VRK2: variants seen among roughly 807,000 people sequenced by gnomAD.
VRK2 encodes VRK serine/threonine kinase 2, also known as serine/threonine-protein kinase VRK2.
VRK2 carries 60 observed loss-of-function variants against 57.6 expected under a neutral mutation model. The observed-to-expected ratio is 1.04, with a 90% CI of 0.85 to 1.29. VRK2 has a LOEUF of 1.29. Among genes scored for constraint, VRK2 ranks in the 50% most tolerant of loss-of-function variants. The pLI is 0.00. For synonymous variants in VRK2, 231 were observed against 199.2 expected (o/e 1.16, Z -1.35); for missense variants, 705 against 588.1 (o/e 1.20, Z -2.06).
chr2:58,083,481 A>T (rs1484537407), intron 2 of VRK2, among the ~76,000 whole-genome samples: 2 of 152,006 alleles, frequency 1.3e-5, no homozygotes, highest in Admixed American at 6.6e-5. Flanking sequence ...GAAGTAAGGT[A>T]ACTTGAAATG....
intron 1 of VRK2, among the ~76,000 whole-genome samples, chr2:57,918,823 A>G (rs927480192): frequency 6.6e-6 from 1 of 152,138 alleles, no homozygotes; most frequent in Non-Finnish European, 1.5e-5. Flanking sequence ...GCTCAATTGA[A>G]ATTCCATGAG....
rs1257441852 is a variant in VRK2, at chr2:57,933,313, T to C, written c.-439+25474T>C. The stretch of plus-strand genomic sequence containing the variant: ...ATTTCTTATTTCTTTCTTTTTCTTT[T>C]TTTTTTTTTTTTTTTTTTGAGGCAG... On this transcript the variant is annotated intron_variant, in intron 1 of 15. Transcript: ENST00000417641. Among the ~76,000 whole-genome samples the C allele has an allele frequency of 7.0e-5, 9 of 128,698 alleles. No individual in the cohort carries two copies. In the East Asian group the frequency reaches 1.7e-3, roughly 24 times the overall value. 84.4% of individuals were successfully genotyped at this position (128,698 alleles called of 152,430 possible).
intron 1 of VRK2, among the ~76,000 whole-genome samples, chr2:57,926,624 T>A (rs1284955557): frequency 6.6e-6 from 1 of 151,768 alleles, no homozygotes; most frequent in East Asian, 1.9e-4. Context: ...CTTTTTACAG[T>A]TTTTGTCTTG....
intron 1 of VRK2, among the ~76,000 whole-genome samples, chr2:57,949,415 T>C (rs1242580878): frequency 6.6e-6 from 1 of 152,184 alleles, no homozygotes; most frequent in Non-Finnish European, 1.5e-5. Context: ...TACTTCAAAC[T>C]TTTTTATTAT....
At chr2:57,954,909 T>C (rs1671536284) in intron 1 of VRK2, among the ~76,000 whole-genome samples, 1 of 152,176 alleles carries the variant, frequency 6.6e-6, no homozygotes, top group Non-Finnish European at 1.5e-5. Flanking sequence ...AGCCGTGCAT[T>C]GTTTATGTCT....
In VRK2 at chr2:58,131,795, C is replaced by G; in HGVS notation, c.677-13C>G. The stretch of plus-strand genomic sequence containing the variant: ...TTATCCCTTATCTTTCTCTCTAATG[C>G]TTACTCCTATAGCCTTGTCCAGACG... On this transcript the variant is annotated splice_polypyrimidine_tract_variant and intron_variant, in intron 8 of 12. Coordinates refer to ENST00000340157, the MANE Select transcript of VRK2 (RefSeq NM_006296.7). 6.3e-7 allele frequency: 1 copy of G among 1,596,060 alleles called. No homozygotes were observed. The highest frequency in any genetic ancestry group is 8.5e-7 in the Non-Finnish European group (1 of 1,173,846).
intron 10 of VRK2, among the ~76,000 whole-genome samples, chr2:58,136,921 T>C (rs1247207845): frequency 1.7e-5 from 2 of 115,648 alleles, no homozygotes; most frequent in Non-Finnish European, 3.3e-5. Flanking sequence ...ATATCATATA[T>C]GTGTATATAT....
intron 12 of VRK2, among the ~76,000 whole-genome samples, chr2:58,153,296 T>C (rs748178272): frequency 3.0e-4 from 45 of 152,048 alleles, no homozygotes; most frequent in Non-Finnish European, 2.9e-5. Context: ...GAAGAACATT[T>C]GGTTTCTTTC....
intron 1 of VRK2, among the ~76,000 whole-genome samples, chr2:57,990,243 C>G (rs1672721454): frequency 6.6e-6 from 1 of 152,158 alleles, no homozygotes; most frequent in Non-Finnish European, 1.5e-5. Flanking sequence ...AATTTTAACT[C>G]CCTCTTGTTT....
chr2:57,976,318 C>CT (rs2104034428), intron 1 of VRK2, among the ~76,000 whole-genome samples: 1 of 152,200 alleles, frequency 6.6e-6, no homozygotes, highest in Admixed American at 6.5e-5. Context: ...GTTTTAAGTT[C>CT]TTTGAGAAAT....
intron 2 of VRK2, among the ~76,000 whole-genome samples, chr2:58,057,812 A>G (rs1183551446): frequency 1.3e-5 from 2 of 152,228 alleles, no homozygotes; most frequent in Non-Finnish European, 2.9e-5. Context: ...GGAATTTTCT[A>G]TCCACATAAT....
intron 10 of VRK2, among the ~76,000 whole-genome samples, chr2:58,136,416 G>A (rs947355022): frequency 8.8e-5 from 13 of 148,400 alleles, no homozygotes; most frequent in East Asian, 7.9e-4. Flanking sequence ...ACAGAGTCTC[G>A]CTCTGTCACC....
At chr2:58,044,418 T>C (rs746411230), upstream of VRK2, among the ~76,000 whole-genome samples, 1 of 152,234 alleles carries the variant, frequency 6.6e-6, no homozygotes, top group Non-Finnish European at 1.5e-5. Context: ...AAGGAAATGG[T>C]TGCCCATATC....
intron 1 of VRK2, among the ~76,000 whole-genome samples, chr2:57,954,903 G>T (rs1185498410): frequency 6.6e-6 from 1 of 152,086 alleles, no homozygotes. Context: ...AAAAGAAGCC[G>T]TGCATTGTTT....
rs1491465166 is a variant in VRK2, at chr2:57,926,997, CTT to C, written c.-439+19159_-439+19160del. On this transcript the variant is annotated intron_variant, in intron 1 of 15. Coordinates refer to the VRK2 transcript ENST00000417641. Reference sequence around the variant, plus strand: ...TTTCTCTGGTAATATGTTTTAATTTCTTGTGTGTGTGTGTGTGTGTGTGTGTG... The same window carrying C: ...TTTCTCTGGTAATATGTTTTAATTTCGTGTGTGTGTGTGTGTGTGTGTGTG... Among the ~76,000 whole-genome samples the C allele has an allele frequency of 2.2e-3, 282 of 130,310 alleles. 5 individuals are homozygous for C. The highest frequency in any genetic ancestry group is 0.016 in the East Asian group (74 of 4,538). The allele number at this position is 130,310 out of a possible 152,430, so 85.5% of individuals were successfully genotyped here. A position where few individuals can be genotyped will look rare whatever the true frequency, so the allele number is the denominator to read the frequency against.
At chr2:57,910,987 T>A (rs1669968803) in intron 1 of VRK2, among the ~76,000 whole-genome samples, 1 of 151,956 alleles carries the variant, frequency 6.6e-6, no homozygotes. Context: ...TATTGGGGAA[T>A]GATTTTAAGA....
chr2:58,073,779 C>G (rs13386389), intron 2 of VRK2, among the ~76,000 whole-genome samples: 22,615 of 151,584 alleles, frequency 0.15, 2,151 homozygotes, highest in African/African-American at 0.27. Flanking sequence ...CAGTCTGAGT[C>G]CCAAAGCTGA....
intron 1 of VRK2, among the ~76,000 whole-genome samples, chr2:57,970,756 T>G (rs994948813): frequency 1.4e-4 from 22 of 152,086 alleles, no homozygotes; most frequent in African/African-American, 5.1e-4. Flanking sequence ...ATTACTAAAT[T>G]TTAACAAATG....
intron 1 of VRK2, among the ~76,000 whole-genome samples, chr2:57,993,626 T>A (rs1028916031): frequency 9.2e-5 from 14 of 152,242 alleles, no homozygotes; most frequent in Non-Finnish European, 2.9e-5. Context: ...GATCTGTGAT[T>A]TGGAAAATGT....
Sources: allele counts gnomAD v4.1 joint callset (sites outside exome capture counted in the v4.1 genomes callset), GRCh38; gene constraint gnomAD v4.1.1; transcripts MANE v1.5; gene names NCBI Gene and HGNC (gene_info 2026-07-23, HGNC 2026-07-21).